Variants in ARHGEF10L observed in about 807,000 individuals in gnomAD.
ARHGEF10L encodes the protein Rho guanine nucleotide exchange factor 10 like.
A neutral mutation model predicts 141.2 loss-of-function variants in ARHGEF10L; 69 were observed. The ratio of observed to expected loss-of-function variants is 0.49; its 90% confidence interval spans 0.40 to 0.60. The LOEUF is 0.60. Ranked by LOEUF, ARHGEF10L falls within the 20% of genes least tolerant of loss-of-function variation. The pLI, the probability that ARHGEF10L is intolerant of heterozygous loss-of-function variation, is 0.00. For missense variants in ARHGEF10L, 1,482 were observed against 1,734.3 expected, an observed-to-expected ratio of 0.85 and a Z score of 2.58; for synonymous variants, 711 against 718.5, an observed-to-expected ratio of 0.99 and a Z score of 0.17.
chr1:17,680,552 G>T (rs865993512), intron 26 of ARHGEF10L, among the ~76,000 whole-genome samples: 2 of 152,112 alleles, frequency 1.3e-5, no homozygotes, highest in African/African-American at 4.8e-5. Flanking sequence ...GGACACACAG[G>T]TTTGTCTCAG....
chr1:17,565,581 C>G (rs1187312090), intron 1 of ARHGEF10L, among the ~76,000 whole-genome samples: 2 of 152,230 alleles, frequency 1.3e-5, no homozygotes, highest in Non-Finnish European at 2.9e-5. Flanking sequence ...CTGCTATTGT[C>G]AACACTGTTC....
intron 26 of ARHGEF10L, among the ~76,000 whole-genome samples, chr1:17,669,430 C>G (rs567500094): frequency 1.3e-5 from 2 of 152,186 alleles, no homozygotes; most frequent in African/African-American, 4.8e-5. Flanking sequence ...TCAAATCACG[C>G]TTTGAGATGA....
Position 17,580,615 on chromosome 1 carries a change from C to T in ARHGEF10L, c.20C>T (p.Pro7Leu). Reference protein sequence around the residue: MASSNPPPQPAIGDQLV... With the variant: MASSNPLPQPAIGDQLV... ...TGTCTGATGGCTTCCTCCAACCCTC[C>T]TCCACAGCCTGCCATAGGTACCGTA... Residue 7 changes from proline to leucine, a missense_variant, in exon 2 of 29, where the codon CCT (proline) becomes CTT (leucine). Physicochemically the swap from Pro to Leu is moderately conservative, Grantham distance 98. Coordinates refer to ENST00000361221, the MANE Select transcript of ARHGEF10L (RefSeq NM_018125.4). 6.2e-7 allele frequency: 1 copy of T among 1,614,210 alleles called. No homozygotes were observed. Among genetic ancestry groups the T allele is most frequent in the South Asian group, 1.1e-5 (1 of 91,088 alleles).
chr1:17,686,070 T>C lies in ARHGEF10L; in HGVS notation c.3010-1503T>C, dbSNP rs1251254488. Among the ~76,000 whole-genome samples, 4 of 146,048 alleles carry C rather than the reference T, an allele frequency of 2.7e-5. No homozygotes were observed. The East Asian group carries it at 8.3e-4, about 30-fold the overall frequency. On this transcript the variant is annotated intron_variant, in intron 26 of 28. Transcript: ENST00000361221. Reference sequence around the variant, plus strand: ...CCAGCTTTTGGTGTGTTTGTTTTGTTTTGTTTTTTTTCTTTCTTTCTTTCT... The same window carrying C: ...CCAGCTTTTGGTGTGTTTGTTTTGTCTTGTTTTTTTTCTTTCTTTCTTTCT...
chr1:17,645,462 G>A (rs900688458), intron 21 of ARHGEF10L, among the ~76,000 whole-genome samples: 8 of 152,086 alleles, frequency 5.3e-5, no homozygotes, highest in African/African-American at 7.2e-5. Flanking sequence ...AGCTCTGGGC[G>A]CCCTGGTGAC....
chr1:17,658,138 G>T (rs1225445648), intron 25 of ARHGEF10L, among the ~76,000 whole-genome samples: 1 of 152,202 alleles, frequency 6.6e-6, no homozygotes, highest in East Asian at 1.9e-4. Context: ...CCCTGGCTGT[G>T]TGTCTGTGTG....
intron 26 of ARHGEF10L, among the ~76,000 whole-genome samples, chr1:17,684,402 C>T (rs2064390208): frequency 6.6e-6 from 1 of 152,164 alleles, no homozygotes; most frequent in South Asian, 2.1e-4. Flanking sequence ...ATGGTCTCTC[C>T]CCTACACAGC....
intron 9 of ARHGEF10L, chr1:17,618,253 G>GGCC: frequency 7.4e-7 from 1 of 1,356,212 alleles, no homozygotes; most frequent in Non-Finnish European, 9.8e-7. Flanking sequence ...GCTCTCCTCA[G>GGCC]CCCTCCCCAC....
chr1:17,545,422 A>G (rs1269444190), intron 1 of ARHGEF10L, among the ~76,000 whole-genome samples: 1 of 152,142 alleles, frequency 6.6e-6, no homozygotes, highest in Non-Finnish European at 1.5e-5. Context: ...GAGGTTGTAA[A>G]TTGCCCTCAA....
intron 9 of ARHGEF10L, among the ~76,000 whole-genome samples, chr1:17,616,731 G>A (rs1484803293): frequency 6.6e-6 from 1 of 152,228 alleles, no homozygotes; most frequent in African/African-American, 2.4e-5. Flanking sequence ...GTCCACTGGG[G>A]TGCCCTGGGG....
intron 26 of ARHGEF10L, among the ~76,000 whole-genome samples, chr1:17,685,631 C>T (rs773060015): frequency 6.6e-6 from 1 of 152,230 alleles, no homozygotes; most frequent in Non-Finnish European, 1.5e-5. Flanking sequence ...ACGTTTGCCC[C>T]ACAAGAGTGG....
At chr1:17,605,874 G>A (rs1391972556) in intron 6 of ARHGEF10L, among the ~76,000 whole-genome samples, 7 of 152,194 alleles carry the variant, frequency 4.6e-5, no homozygotes, top group East Asian at 1.9e-4. Flanking sequence ...TCTGAAGGTC[G>A]CAGCTGCTCC....
chr1:17,525,573 C>T, the ARHGEF10L span, among the ~76,000 whole-genome samples: 21 of 152,260 alleles, frequency 1.4e-4, no homozygotes, highest in African/African-American at 1.7e-4. Flanking sequence ...ATGGAAGGAT[C>T]GCCTGAGTCC....
chr1:17,614,182 G>A (rs542970728), intron 8 of ARHGEF10L, among the ~76,000 whole-genome samples: 35 of 152,316 alleles, frequency 2.3e-4, no homozygotes, highest in African/African-American at 6.5e-4. Flanking sequence ...AGTGCTGCCC[G>A]CTTTATTGGA....
At chr1:17,536,841 C>T (rs1210765703), upstream of ARHGEF10L, among the ~76,000 whole-genome samples, 1 of 152,010 alleles carries the variant, frequency 6.6e-6, no homozygotes, top group Non-Finnish European at 1.5e-5. Flanking sequence ...TCAGATCTTC[C>T]GATTTGTTAA....
rs59088704 is a variant in ARHGEF10L, at chr1:17,583,202, TA to T, written c.37+2591del. On this transcript the variant is annotated intron_variant, in intron 2 of 28. Coordinates refer to ENST00000361221, the MANE Select transcript of ARHGEF10L (RefSeq NM_018125.4). ...CCTGGGTGACAGAGTGAGCTTCATTTAAAAAAAAAAAAAAAAAAAAAGAAGG... is the reference window on the plus strand; with the variant it reads ...CCTGGGTGACAGAGTGAGCTTCATTTAAAAAAAAAAAAAAAAAAAAGAAGG... Among the ~76,000 whole-genome samples, 464 of 111,764 alleles carry T rather than the reference TA, an allele frequency of 4.2e-3. 8 individuals are homozygous for T. Among genetic ancestry groups the T allele is most frequent in the African/African-American group, 0.013 (380 of 28,300 alleles). 73.3% of individuals were successfully genotyped at this position (111,764 alleles called of 152,430 possible).
Position 17,673,921 on chromosome 1 carries a change from A to G in ARHGEF10L, c.3009+9326A>G, listed in dbSNP as rs947181461. Reference sequence around the variant, plus strand: ...ACAGGACTTGCTCAGGGTGACTGGGACCACACACTCGTTGGTGGAGCCAGG... The same window carrying G: ...ACAGGACTTGCTCAGGGTGACTGGGGCCACACACTCGTTGGTGGAGCCAGG... On this transcript the variant is annotated intron_variant, in intron 26 of 28. Coordinates refer to ENST00000361221, the MANE Select transcript of ARHGEF10L (RefSeq NM_018125.4). This position sits in a 1 kb window ranked among gnomAD's most constrained non-coding sequence, Gnocchi z 4.1. Among the ~76,000 whole-genome samples the G allele has an allele frequency of 1.1e-4, 17 of 152,058 alleles. No individual in the cohort carries two copies. Among genetic ancestry groups the G allele is most frequent in the African/African-American group, 3.6e-4 (15 of 41,384 alleles).
chr1:17,639,958 G>T lies in ARHGEF10L; in HGVS notation c.2172-244G>T, dbSNP rs1389297274. 1 of 1,490,368 alleles carries T rather than the reference G, an allele frequency of 6.7e-7. No individual in the cohort carries two copies. The highest frequency in any genetic ancestry group is 1.4e-5 in the African/African-American group (1 of 72,104). 92.3% of individuals were successfully genotyped at this position (1,490,368 alleles called of 1,614,324 possible). Reference sequence around the variant, plus strand: ...GAGGCTCCTGGAGCCAGGCTGGGGAGCGTGGCTCAGCCACCCTGGCCAGGT... The same window carrying T: ...GAGGCTCCTGGAGCCAGGCTGGGGATCGTGGCTCAGCCACCCTGGCCAGGT... On this transcript the variant is annotated intron_variant, in intron 20 of 28. Transcript: ENST00000361221. This position sits in a 1 kb window ranked among gnomAD's most constrained non-coding sequence, Gnocchi z 4.3.
In ARHGEF10L at chr1:17,673,079, G is replaced by C. The variant is rs2063424515; in HGVS notation, c.3009+8484G>C. ...AGAAGTTGGTCGCTGATGGCTCAGG[G>C]AACAGGCTTGGTGAAGCCTGACCTG... is the stretch of plus-strand genomic sequence containing the variant. On this transcript the variant is annotated intron_variant, in intron 26 of 28. Coordinates refer to ENST00000361221, the MANE Select transcript of ARHGEF10L (RefSeq NM_018125.4). This position sits in a 1 kb window ranked among gnomAD's most constrained non-coding sequence, Gnocchi z 4.1. Among the ~76,000 whole-genome samples, 1 of 152,184 alleles carries C rather than the reference G, an allele frequency of 6.6e-6. No homozygotes were observed. Among genetic ancestry groups the C allele is most frequent in the Non-Finnish European group, 1.5e-5 (1 of 68,040 alleles).
Sources: gnomAD v4.1 joint callset for allele counts (sites outside exome capture counted in the v4.1 genomes callset) on GRCh38, gnomAD v4.1.1 for gene constraint, Gnocchi (gnomAD v3.1) non-coding constraint, MANE v1.5 for transcripts, NCBI Gene and HGNC (gene_info 2026-07-23, HGNC 2026-07-21) for gene names.